The following CSMD1 variants were observed in gnomAD, a reference collection of about 807,000 sequenced individuals.
CSMD1 encodes the protein CUB and sushi domain-containing protein 1.
In CSMD1, 213 loss-of-function variants were observed where a neutral mutation model predicts 417.5. That is an observed-to-expected ratio of 0.51 (90% CI 0.46 to 0.57). The LOEUF is 0.57. Among genes scored for constraint, CSMD1 ranks in the 20% least tolerant of loss-of-function variants. The pLI, the probability that CSMD1 is intolerant of heterozygous loss-of-function variation, is 0.00. For missense variants in CSMD1, 6,923 were observed against 4,529.7 expected, an observed-to-expected ratio of 1.53 and a Z score of -15.17; for synonymous variants, 2,862 against 1,736.8, an observed-to-expected ratio of 1.65 and a Z score of -16.11.
intron 3 of CSMD1, among the ~76,000 whole-genome samples, chr8:4,310,281 C>G (rs941511781): frequency 6.6e-6 from 1 of 152,136 alleles, no homozygotes; most frequent in Non-Finnish European, 1.5e-5. Flanking sequence ...ATCATGGCTG[C>G]TTAGAGCTGA....
intron 5 of CSMD1, among the ~76,000 whole-genome samples, chr8:3,933,545 G>T (rs972953034): frequency 3.9e-5 from 6 of 152,162 alleles, no homozygotes; most frequent in Non-Finnish European, 7.3e-5. Context: ...AGAAAGAGAT[G>T]AGAGTCCTGG....
intron 5 of CSMD1, among the ~76,000 whole-genome samples, chr8:3,843,696 G>C (rs952778998): frequency 3.9e-5 from 6 of 152,174 alleles, no homozygotes; most frequent in Non-Finnish European, 7.3e-5. Flanking sequence ...ACAGTGGGTG[G>C]AACACAGACC....
intron 3 of CSMD1, among the ~76,000 whole-genome samples, chr8:4,152,223 C>A (rs1330885286): frequency 6.6e-6 from 1 of 152,128 alleles, no homozygotes; most frequent in Non-Finnish European, 1.5e-5. Flanking sequence ...CATACACTTT[C>A]AACATTATTC....
At chr8:3,757,046 T>C (rs1353431141) in intron 5 of CSMD1, among the ~76,000 whole-genome samples, 2 of 152,174 alleles carry the variant, frequency 1.3e-5, no homozygotes, top group Admixed American at 6.5e-5. Flanking sequence ...CAAGAAATCC[T>C]CTCACCTTTG....
chr8:3,642,162 T>C (rs1403516579), intron 7 of CSMD1, among the ~76,000 whole-genome samples: 1 of 151,374 alleles, frequency 6.6e-6, no homozygotes, highest in East Asian at 1.9e-4. Context: ...GATACACAAA[T>C]ATATAATATT....
chr8:4,595,261 C>T (rs1436626796), intron 2 of CSMD1, among the ~76,000 whole-genome samples: 3 of 150,458 alleles, frequency 2.0e-5, no homozygotes, highest in South Asian at 2.1e-4. Flanking sequence ...AATTCTGAGA[C>T]AGGAAGGTAT....
At chr8:4,987,762 G>C (rs1042792933) in intron 1 of CSMD1, among the ~76,000 whole-genome samples, 1 of 152,172 alleles carries the variant, frequency 6.6e-6, no homozygotes, top group Non-Finnish European at 1.5e-5. Flanking sequence ...GTGGGCACCA[G>C]CTCATCAACT....
chr8:4,925,518 G>A (rs993118903), intron 1 of CSMD1, among the ~76,000 whole-genome samples: 8 of 149,784 alleles, frequency 5.3e-5, no homozygotes, highest in Non-Finnish European at 8.9e-5. Context: ...TGAAACGTGG[G>A]TATTCTGTCT....
At chr8:3,269,543 A>T (rs1285316322) in intron 26 of CSMD1, among the ~76,000 whole-genome samples, 1 of 152,216 alleles carries the variant, frequency 6.6e-6, no homozygotes, top group African/African-American at 2.4e-5. Context: ...GAGAGGTGTC[A>T]TGTAGCTGTT....
At chr8:4,083,609 T>C (rs2911716) in intron 3 of CSMD1, among the ~76,000 whole-genome samples, 15 of 151,818 alleles carry the variant, frequency 9.9e-5, no homozygotes, top group African/African-American at 3.6e-4. Context: ...CCTATTTAAT[T>C]AATGGTGCTG....
At position 3,923,169 on chromosome 8, in the gene CSMD1, C is replaced by G. The variant is rs529177059; in HGVS notation, c.818+74734G>C. Among the ~76,000 whole-genome samples the G allele has an allele frequency of 3.3e-5, 5 of 152,210 alleles. No homozygotes were observed. In the East Asian group the frequency reaches 9.7e-4, roughly 29 times the overall value. ...AGACCACGCCGAAGCTTCATGAGAC[C>G]TCTCCTCATCAGTGCACTAATGAGT... On this transcript the variant is annotated intron_variant, in intron 5 of 69. Coordinates refer to ENST00000635120, the MANE Select transcript of CSMD1 (RefSeq NM_033225.6).
chr8:3,929,885 C>T (rs1026562456), intron 5 of CSMD1, among the ~76,000 whole-genome samples: 1 of 150,146 alleles, frequency 6.7e-6, no homozygotes, highest in Non-Finnish European at 1.5e-5. Context: ...TCATCTCCAA[C>T]CCCTGACCTC....
At chr8:3,276,819 G>C (rs545778132) in intron 26 of CSMD1, among the ~76,000 whole-genome samples, 4 of 151,994 alleles carry the variant, frequency 2.6e-5, no homozygotes, top group South Asian at 4.2e-4. Context: ...AAATTTTCAC[G>C]CATATCTAAT....
chr8:4,305,027 C>G (rs1457387284), intron 3 of CSMD1, among the ~76,000 whole-genome samples: 1 of 152,154 alleles, frequency 6.6e-6, no homozygotes, highest in East Asian at 1.9e-4. Flanking sequence ...ACACAGTTCC[C>G]CACGTTAGAG....
intron 36 of CSMD1, 42 bp from the exon 37 acceptor site, chr8:3,181,256 C>T (rs1448545467): frequency 3.1e-6 from 4 of 1,302,082 alleles, no homozygotes; most frequent in African/African-American, 2.9e-5. Context: ...ACTACAAATA[C>T]ATTCACTTTT....
intron 7 of CSMD1, among the ~76,000 whole-genome samples, chr8:3,638,179 C>G (rs1797138299): frequency 6.6e-6 from 1 of 152,136 alleles, no homozygotes; most frequent in African/African-American, 2.4e-5. Flanking sequence ...CAATATTTTA[C>G]TTCAAACCCA....
chr8:3,051,403 C>A (rs904805983), intron 50 of CSMD1, among the ~76,000 whole-genome samples: 1 of 152,132 alleles, frequency 6.6e-6, no homozygotes, highest in Non-Finnish European at 1.5e-5. Flanking sequence ...TGAGTCCACA[C>A]AGACATAAAG....
intron 47 of CSMD1, 42 bp downstream of exon 47, chr8:3,096,807 T>C (rs531073604): frequency 1.6e-6 from 2 of 1,237,912 alleles, no homozygotes; most frequent in South Asian, 1.5e-5. Context: ...TTTTTATCAA[T>C]GATGCCGAGG....
chr8:4,362,212 T>C (rs997382811), intron 3 of CSMD1, among the ~76,000 whole-genome samples: 2 of 152,132 alleles, frequency 1.3e-5, no homozygotes, highest in African/African-American at 2.4e-5. Context: ...TTCCAAAGGA[T>C]CCTGGGAGAT....
Sources: allele counts gnomAD v4.1 joint callset (sites outside exome capture counted in the v4.1 genomes callset), GRCh38; gene constraint gnomAD v4.1.1; transcripts MANE v1.5; gene names NCBI Gene and HGNC (gene_info 2026-07-23, HGNC 2026-07-21).